The following GRM7 variants were observed in gnomAD, a reference collection of about 807,000 sequenced individuals.
GRM7 encodes the protein glutamate metabotropic receptor 7.
In GRM7, 35 loss-of-function variants were observed where a neutral mutation model predicts 84.5. That is an observed-to-expected ratio of 0.41 (90% CI 0.32 to 0.55). The LOEUF (loss-of-function observed/expected upper bound fraction) is 0.55. Among genes scored for constraint, GRM7 ranks in the 20% least tolerant of loss-of-function variants. The pLI, the probability that GRM7 is intolerant of heterozygous loss-of-function variation, is 0.19. For missense variants in GRM7, 1,003 were observed against 1,194.6 expected, an observed-to-expected ratio of 0.84 and a Z score of 2.36; for synonymous variants, 487 against 455.1, an observed-to-expected ratio of 1.07 and a Z score of -0.89.
At chr3:6,946,418 T>G (rs140433174) in intron 1 of GRM7, among the ~76,000 whole-genome samples, 7,095 of 152,292 alleles carry the variant, frequency 0.047, 203 homozygotes, top group African/African-American at 0.075. Flanking sequence ...CATTGGTCTA[T>G]ATCTCTGTTT....
intron 5 of GRM7, among the ~76,000 whole-genome samples, chr3:7,440,766 T>G (rs1246009617): frequency 6.6e-6 from 1 of 152,194 alleles, no homozygotes; most frequent in South Asian, 2.1e-4. Flanking sequence ...TGTTCCTGTT[T>G]TAGTGTGCTT....
chr3:7,247,191 A>G (rs1697795696), intron 2 of GRM7, among the ~76,000 whole-genome samples: 1 of 152,168 alleles, frequency 6.6e-6, no homozygotes, highest in African/African-American at 2.4e-5. Flanking sequence ...AAACCTATGA[A>G]GTTTTAGGAA....
In GRM7 at chr3:7,547,247, C is replaced by T. The variant is rs560355732; in HGVS notation, c.1516-31175C>T. Among the ~76,000 whole-genome samples the T allele has an allele frequency of 4.3e-4, 61 of 140,784 alleles. No individual in the cohort carries two copies. The South Asian group carries it at 0.013, about 31-fold the overall frequency. The allele number at this position is 140,784 out of a possible 152,430, so 92.4% of individuals were successfully genotyped here. ...TTTGAGACGGAGTCTCACTCTGTCG[C>T]CCAGGCTGGAGTGCAGTGGCGTAAT... On this transcript the variant is annotated intron_variant, in intron 7 of 9. Coordinates refer to ENST00000357716, the MANE Select transcript of GRM7 (RefSeq NM_000844.4).
chr3:7,377,217 A>G (rs993259993), intron 4 of GRM7, among the ~76,000 whole-genome samples: 1 of 146,932 alleles, frequency 6.8e-6, no homozygotes, highest in African/African-American at 2.5e-5. Flanking sequence ...TGGGTTCCTA[A>G]TATTTTTTTT....
At chr3:7,262,305 C>CT (rs1417087988) in intron 2 of GRM7, among the ~76,000 whole-genome samples, 1 of 152,014 alleles carries the variant, frequency 6.6e-6, no homozygotes. Flanking sequence ...TTTCATTCTT[C>CT]TTTTTTTAAA....
At chr3:7,294,866 GT>G (rs1218844850) in intron 2 of GRM7, among the ~76,000 whole-genome samples, 3 of 152,328 alleles carry the variant, frequency 2.0e-5, no homozygotes, top group Non-Finnish European at 4.4e-5. Context: ...CTGTTTGAAA[GT>G]TTGTGTGTTT....
chr3:6,968,688 C>T (rs1429878370), intron 1 of GRM7, among the ~76,000 whole-genome samples: 1 of 152,038 alleles, frequency 6.6e-6, no homozygotes, highest in Admixed American at 6.6e-5. Context: ...GAGGAATACC[C>T]AAGACTTTTG....
intron 7 of GRM7, chr3:7,520,303 A>T (rs986856432): frequency 6.6e-6 from 1 of 152,178 alleles, no homozygotes; most frequent in African/African-American, 2.4e-5. Flanking sequence ...CAGGAAGATA[A>T]GAAAAAGGCA....
intron 1 of GRM7, among the ~76,000 whole-genome samples, chr3:7,043,863 C>T (rs1324513502): frequency 6.6e-6 from 1 of 152,160 alleles, no homozygotes; most frequent in African/African-American, 2.4e-5. Flanking sequence ...TGCTCCGCCT[C>T]CCAGAGGAGT....
intron 1 of GRM7, among the ~76,000 whole-genome samples, chr3:6,991,485 G>T (rs1237746283): frequency 6.6e-6 from 1 of 152,178 alleles, no homozygotes; most frequent in Non-Finnish European, 1.5e-5. Flanking sequence ...GATATGTAAG[G>T]TGAGGAGAGA....
At chr3:7,085,231 A>G (rs1473870263) in intron 1 of GRM7, among the ~76,000 whole-genome samples, 1 of 152,214 alleles carries the variant, frequency 6.6e-6, no homozygotes, top group South Asian at 2.1e-4. Context: ...GCTGAAAGTT[A>G]TATTGGCTGC....
At chr3:7,550,937 T>A (rs979989087) in intron 7 of GRM7, among the ~76,000 whole-genome samples, 1 of 152,178 alleles carries the variant, frequency 6.6e-6, no homozygotes, top group Admixed American at 6.5e-5. Flanking sequence ...CAGTGGATAT[T>A]AATGTGGGTT....
At chr3:7,120,616 A>G (rs898166160) in intron 1 of GRM7, among the ~76,000 whole-genome samples, 3 of 152,138 alleles carry the variant, frequency 2.0e-5, no homozygotes, top group African/African-American at 4.8e-5. Context: ...ATATATTGCC[A>G]AAAATATATT....
At position 7,304,343 on chromosome 3, in the gene GRM7, A is replaced by G. The variant is rs1331825294; in HGVS notation, c.879-2155A>G. ...TTTTTTGCCTCTTGAGAGGTTAATA[A>G]TATCATTTCTTTTTTTTTTTTGCAT... On this transcript the variant is annotated intron_variant, in intron 3 of 9. Coordinates refer to ENST00000357716, the MANE Select transcript of GRM7 (RefSeq NM_000844.4). 3.1e-5 allele frequency among the ~76,000 whole-genome samples: 4 copies of G among 130,932 alleles called. 1 individual carries two copies. Among genetic ancestry groups the G allele is most frequent in the Non-Finnish European group, 3.3e-5 (2 of 59,750 alleles). 85.9% of individuals were successfully genotyped at this position (130,932 alleles called of 152,430 possible).
At chr3:7,595,097 C>A (rs776641664) in intron 8 of GRM7, among the ~76,000 whole-genome samples, 1 of 152,144 alleles carries the variant, frequency 6.6e-6, no homozygotes, top group Non-Finnish European at 1.5e-5. Context: ...TTACAAATAT[C>A]GACTTTGTGC....
chr3:7,356,836 C>G lies in GRM7; in HGVS notation c.1033+50184C>G, dbSNP rs144770543. On this transcript the variant is annotated intron_variant, in intron 4 of 9. Coordinates refer to ENST00000357716, the MANE Select transcript of GRM7 (RefSeq NM_000844.4). ...GCTTTTGAACTTCGATTTAGCTATG[C>G]TACTGACTTTCCCAAAACCACCCTA... Among the ~76,000 whole-genome samples, 881 of 150,358 alleles carry G rather than the reference C, an allele frequency of 5.9e-3. 8 individuals carry two copies. Among genetic ancestry groups the G allele is most frequent in the African/African-American group, 0.02 (813 of 40,942 alleles).
chr3:7,311,687 G>A lies in GRM7; in HGVS notation c.1033+5035G>A, dbSNP rs140895600. ...TGGCTTACTGCAACCTCTGCCTCCC[G>A]GGTTTAAGTGATTCTCCTGCCTCAG... On this transcript the variant is annotated intron_variant, in intron 4 of 9. Coordinates refer to ENST00000357716, the MANE Select transcript of GRM7 (RefSeq NM_000844.4). Among the ~76,000 whole-genome samples, 608 of 151,116 alleles carry A rather than the reference G, an allele frequency of 4.0e-3. 8 individuals carry two copies. The highest frequency in any genetic ancestry group is 0.014 in the African/African-American group (572 of 40,968).
At chr3:7,259,716 C>T (rs1197947298) in intron 2 of GRM7, among the ~76,000 whole-genome samples, 1 of 152,122 alleles carries the variant, frequency 6.6e-6, no homozygotes, top group Non-Finnish European at 1.5e-5. Flanking sequence ...GATTCCATGT[C>T]TTTGCTATTG....
intron 1 of GRM7, among the ~76,000 whole-genome samples, chr3:6,957,727 C>T (rs1693117909): frequency 6.6e-6 from 1 of 152,132 alleles, no homozygotes; most frequent in Admixed American, 6.6e-5. Flanking sequence ...AGATATTTAC[C>T]AGCACAAGTA....
Sources: allele counts gnomAD v4.1 joint callset (sites outside exome capture counted in the v4.1 genomes callset), GRCh38; gene constraint gnomAD v4.1.1; transcripts MANE v1.5; gene names NCBI Gene and HGNC (gene_info 2026-07-23, HGNC 2026-07-21).